Variants in RPF2 observed in about 807,000 individuals in gnomAD.
The protein encoded by RPF2 is ribosome production factor 2 homolog, also known as brix domain containing 1.
A neutral mutation model predicts 38.9 loss-of-function variants in RPF2; 21 were observed. The observed-to-expected ratio is 0.54, with a 90% CI of 0.38 to 0.78. The LOEUF (loss-of-function observed/expected upper bound fraction) is 0.78. Among genes scored for constraint, RPF2 ranks in the 30% least tolerant of loss-of-function variants. The pLI, the probability that RPF2 is intolerant of heterozygous loss-of-function variation, is 0.00. For synonymous variants in RPF2, 121 were observed against 126.2 expected (o/e 0.96, Z 0.28); for missense variants, 314 against 358.1 (o/e 0.88, Z 0.99).
intron 9 of RPF2, 115 bp downstream of exon 9, chr6:111,024,442 G>GC: frequency 1.0e-6 from 1 of 972,094 alleles, no homozygotes; most frequent in Non-Finnish European, 1.4e-6. Flanking sequence ...GGCCAGGCGC[G>GC]GTGGCTCACG....
chr6:111,012,392 A>C (rs1447210197), intron 7 of RPF2, among the ~76,000 whole-genome samples: 1 of 151,528 alleles, frequency 6.6e-6, no homozygotes, highest in East Asian at 1.9e-4. Flanking sequence ...GGCTGGTCTC[A>C]GAGTCCTAGG....
intron 3 of RPF2, among the ~76,000 whole-genome samples, chr6:110,990,570 C>A (rs372670583): frequency 1.4e-5 from 2 of 140,490 alleles, no homozygotes; most frequent in Non-Finnish European, 3.1e-5. Context: ...CCCCCCCCCC[C>A]CCCACCTTTT....
chr6:111,002,107 C>T (rs1278316091), intron 6 of RPF2, among the ~76,000 whole-genome samples: 2 of 152,036 alleles, frequency 1.3e-5, no homozygotes. Flanking sequence ...TGGTGAAGCC[C>T]CATCTCTACT....
chr6:111,023,423 T>G (rs142506355), intron 8 of RPF2, among the ~76,000 whole-genome samples: 1 of 152,364 alleles, frequency 6.6e-6, no homozygotes, highest in African/African-American at 2.4e-5. Flanking sequence ...AAGAACTTGT[T>G]AATCGTATAA....
chr6:110,995,089 G>A (rs1156403053), intron 4 of RPF2, among the ~76,000 whole-genome samples: 4 of 151,846 alleles, frequency 2.6e-5, no homozygotes, highest in African/African-American at 9.7e-5. Context: ...ATTTTTACTA[G>A]AGACGGGATT....
chr6:111,023,633 GA>G (rs200267567), intron 8 of RPF2, among the ~76,000 whole-genome samples: 18 of 150,072 alleles, frequency 1.2e-4, no homozygotes, highest in East Asian at 5.8e-4. Context: ...ACCTCAAAGA[GA>G]AAAAAAAAAT....
At chr6:111,012,782 G>A (rs1772042474) in intron 7 of RPF2, among the ~76,000 whole-genome samples, 1 of 152,120 alleles carries the variant, frequency 6.6e-6, no homozygotes, top group Non-Finnish European at 1.5e-5. Flanking sequence ...CGATTCTTCT[G>A]CCCCAGCCTC....
At chr6:110,996,875 C>T (rs1210546689) in intron 4 of RPF2, among the ~76,000 whole-genome samples, 1 of 152,120 alleles carries the variant, frequency 6.6e-6, no homozygotes, top group African/African-American at 2.4e-5. Flanking sequence ...ATTCTCAGCT[C>T]ACTGCAACCT....
At chr6:111,004,513 TA>T (rs2114322855) in intron 6 of RPF2, among the ~76,000 whole-genome samples, 1 of 150,876 alleles carries the variant, frequency 6.6e-6, no homozygotes, top group East Asian at 2.0e-4. Flanking sequence ...TGGAATAGAG[TA>T]AAAAATATCA....
chr6:111,024,407 C>A, intron 9 of RPF2, 80 bp downstream of exon 9: 1 of 1,391,432 alleles, frequency 7.2e-7, no homozygotes, highest in Non-Finnish European at 9.7e-7. Flanking sequence ...GAATTTGTGG[C>A]ATATTATATT....
Position 111,025,791 on chromosome 6 carries a change from C to T in RPF2, c.*209C>T, listed in dbSNP as rs1772318130. Reference sequence around the variant, plus strand: ...ATTACACCCTGGTGTGCCATTTTCTCTTGTGATATCCCCTGCCCTCCACAA... The same window carrying T: ...ATTACACCCTGGTGTGCCATTTTCTTTTGTGATATCCCCTGCCCTCCACAA... On this transcript the variant is annotated 3_prime_UTR_variant, in exon 10 of 10. Transcript: ENST00000441448. 2 of 358,122 alleles carry T rather than the reference C, an allele frequency of 5.6e-6. No homozygotes were observed. Among genetic ancestry groups the T allele is most frequent in the Non-Finnish European group, 1.0e-5 (2 of 200,328 alleles). The allele number at this position is 358,122 out of a possible 1,614,324, so 22.2% of individuals were successfully genotyped here.
At chr6:110,999,868 T>TA (rs1446463405) in intron 6 of RPF2, 81 bp downstream of exon 6, 2 of 714,266 alleles carry the variant, frequency 2.8e-6, no homozygotes, top group African/African-American at 3.5e-5. Context: ...AGAGTACTGA[T>TA]AGAGTTTTGT....
intron 1 of RPF2, among the ~76,000 whole-genome samples, chr6:110,983,609 T>A (rs1771468978): frequency 6.6e-6 from 1 of 152,146 alleles, no homozygotes; most frequent in Non-Finnish European, 1.5e-5. Flanking sequence ...TCCTAGAGTG[T>A]TTTTATTACA....
At chr6:110,996,098 G>T (rs3904928) in intron 4 of RPF2, among the ~76,000 whole-genome samples, 2 of 150,672 alleles carry the variant, frequency 1.3e-5, no homozygotes, top group Non-Finnish European at 2.9e-5. Flanking sequence ...GATTACAGAC[G>T]TGAGCCACTG....
In RPF2 at chr6:110,990,825, A is replaced by T. The variant is rs1448756935; in HGVS notation, c.195-922A>T. Among the ~76,000 whole-genome samples, 8 of 152,088 alleles carry T rather than the reference A, an allele frequency of 5.3e-5. No individual in the cohort carries two copies. In the South Asian group the frequency reaches 1.5e-3, roughly 28 times the overall value. ...TGACCTCAGGTGATCCACCAGCTTC[A>T]GCCTCTCAAAGTGCTGGGATTACAG... On this transcript the variant is annotated intron_variant, in intron 3 of 9. Transcript: ENST00000441448.
At position 111,025,732 on chromosome 6, in the gene RPF2, G is replaced by T. The variant is rs1772317171; in HGVS notation, c.*150G>T. 3 of 564,312 alleles carry T rather than the reference G, an allele frequency of 5.3e-6. No individual in the cohort carries two copies. The highest frequency in any genetic ancestry group is 8.9e-6 in the Non-Finnish European group (3 of 338,444). The allele number at this position is 564,312 out of a possible 1,614,324, so 35.0% of individuals were successfully genotyped here. On this transcript the variant is annotated 3_prime_UTR_variant, in exon 10 of 10. Coordinates refer to ENST00000441448, the MANE Select transcript of RPF2 (RefSeq NM_032194.3). ...TATTATTATGAACAGTAATATACTA[G>T]TATTAAGTGTAAAGTAAGCCTTTTA...
chr6:111,011,710 T>C (rs1772017653), intron 7 of RPF2, among the ~76,000 whole-genome samples: 1 of 152,230 alleles, frequency 6.6e-6, no homozygotes, highest in Non-Finnish European at 1.5e-5. Context: ...TATAATTGTT[T>C]ATTGTCAGTG....
At chr6:111,002,608 C>A (rs969105412) in intron 6 of RPF2, among the ~76,000 whole-genome samples, 1 of 152,134 alleles carries the variant, frequency 6.6e-6, no homozygotes, top group Non-Finnish European at 1.5e-5. Context: ...ACTGGAATTA[C>A]AGGCATGAAC....
intron 7 of RPF2, among the ~76,000 whole-genome samples, 185 bp from the exon 8 acceptor site, chr6:111,015,569 A>G (rs1772093922): frequency 6.6e-6 from 1 of 152,232 alleles, no homozygotes; most frequent in Non-Finnish European, 1.5e-5. Flanking sequence ...CTGAACACCA[A>G]AATACCAAAA....
Sources: allele counts gnomAD v4.1 joint callset (sites outside exome capture counted in the v4.1 genomes callset), GRCh38; gene constraint gnomAD v4.1.1; transcripts MANE v1.5; gene names NCBI Gene and HGNC (gene_info 2026-07-23, HGNC 2026-07-21).